The following TOR1B variants were observed in gnomAD, a reference collection of about 807,000 sequenced individuals.
The protein encoded by TOR1B is torsin-1B.
TOR1B carries 14 observed loss-of-function variants against 29.2 expected under a neutral mutation model. That is an observed-to-expected ratio of 0.48 (90% confidence interval 0.32 to 0.75). The LOEUF (loss-of-function observed/expected upper bound fraction) is 0.75, where lower values mean the gene tolerates loss of function less well. TOR1B is among the 30% of genes least tolerant of loss of function. The pLI is 0.04. For missense variants in TOR1B, 400 were observed against 433.9 expected (o/e 0.92, Z 0.69); for synonymous variants, 166 against 179.8 (o/e 0.92, Z 0.62).
chr9:129,807,416 T>G, intron 3 of TOR1B, 53 bp downstream of exon 3: 1 of 1,598,042 alleles, frequency 6.3e-7, no homozygotes, highest in South Asian at 1.1e-5. Context: ...CTCTCAATGA[T>G]AAAATGAGGT....
intron 3 of TOR1B, among the ~76,000 whole-genome samples, chr9:129,807,786 C>T (rs1480740930): frequency 2.0e-5 from 3 of 150,598 alleles, no homozygotes; most frequent in Admixed American, 6.6e-5. Context: ...GCGGAGCTTG[C>T]AGTGAGCCGG....
At position 129,809,551 on chromosome 9, in the gene TOR1B, A is replaced by G. The variant is rs1465694448; in HGVS notation, c.979A>G (p.Lys327Glu). The change falls in exon 5 of 5, where the codon AAG (lysine) becomes GAG (glutamate). Residue 327 changes from lysine (K) to glutamate (E), a missense_variant. By Grantham distance (56) the Lys-to-Glu change is moderately conservative. Coordinates refer to ENST00000259339, the MANE Select transcript of TOR1B (RefSeq NM_014506.3). ...GAAAATCTACTCAGACAAGGGCTGC[A>G]AGACTGTGCAGTCGCGGCTGGATTT... ...DEKIYSDKGC[K>E]TVQSRLDFH The G allele has an allele frequency of 1.2e-6, 2 of 1,614,202 alleles. No homozygotes were observed. The highest frequency in any genetic ancestry group is 1.3e-5 in the African/African-American group (1 of 75,054).
chr9:129,809,069 C>T (rs2030678686), intron 4 of TOR1B, 37 bp downstream of exon 4: 1 of 1,567,054 alleles, frequency 6.4e-7, no homozygotes, highest in Non-Finnish European at 8.6e-7. Flanking sequence ...CTTAACTGTC[C>T]AGCAGTGAGC....
In TOR1B at chr9:129,810,439, A is replaced by G. The variant is rs1317609090; in HGVS notation, c.*856A>G. The G allele has an allele frequency of 2.1e-5, 25 of 1,178,692 alleles. No homozygotes were observed. The highest frequency in any genetic ancestry group is 2.7e-5 in the Non-Finnish European group (25 of 928,492). The allele number at this position is 1,178,692 out of a possible 1,614,324, so 73.0% of individuals were successfully genotyped here. ...TGTCCATCGCTCTAGCTGCTAATAC[A>G]GCCCTGGCTGTGGAATCCTTCACCG... On this transcript the variant is annotated 3_prime_UTR_variant, in exon 5 of 5. Transcript: ENST00000259339.
At chr9:129,803,636 C>G (rs1171255699) in intron 1 of TOR1B, among the ~76,000 whole-genome samples, 1 of 152,228 alleles carries the variant, frequency 6.6e-6, no homozygotes, top group South Asian at 2.1e-4. Flanking sequence ...TGGGGCTGCC[C>G]CAGCGCCTTT....
chr9:129,807,412 A>G (rs1416429895), intron 3 of TOR1B, 49 bp downstream of exon 3: 3 of 1,596,466 alleles, frequency 1.9e-6, no homozygotes, highest in African/African-American at 2.7e-5. Flanking sequence ...CATTCTCTCA[A>G]TGATAAAATG....
Position 129,807,305 on chromosome 9 carries a change from GACTACT to G in TOR1B, c.586_591del (p.Tyr196_Tyr197del), listed in dbSNP as rs779503009. ...CATTGACGCAATCAAGCCGTTTCTAGACTACTACGAGCAGGTTGACGGAGTGTCTTA... is the reference window on the plus strand; with the variant it reads ...CATTGACGCAATCAAGCCGTTTCTAGACGAGCAGGTTGACGGAGTGTCTTA... On this transcript the variant is annotated inframe_deletion, in exon 3 of 5. Transcript: ENST00000259339. The G allele has an allele frequency of 6.2e-7, 1 of 1,614,198 alleles. No individual in the cohort carries two copies. Among genetic ancestry groups the G allele is most frequent in the East Asian group, 2.2e-5 (1 of 44,876 alleles).
At position 129,809,567 on chromosome 9, in the gene TOR1B, G is replaced by T. The variant is rs764370361; in HGVS notation, c.995G>T (p.Arg332Leu). The stretch of plus-strand genomic sequence containing the variant: ...AAGGGCTGCAAGACTGTGCAGTCGC[G>T]GCTGGATTTCCACTGAGCTCCTATC... Reference protein sequence around the residue: ...SDKGCKTVQSRLDFH With the variant: ...SDKGCKTVQSLLDFH The change falls in exon 5 of 5, where the codon CGG becomes CTG. Residue 332 changes from arginine to leucine, a missense_variant. Transcript: ENST00000259339. The T allele has an allele frequency of 6.2e-7, 1 of 1,614,156 alleles. No individual in the cohort carries two copies. The highest frequency in any genetic ancestry group is 1.7e-5 in the Admixed American group (1 of 60,002).
intron 1 of TOR1B, 135 bp from the exon 2 acceptor site, chr9:129,803,938 C>A: frequency 2.6e-6 from 3 of 1,155,882 alleles, no homozygotes; most frequent in East Asian, 2.4e-5. Flanking sequence ...ACTGCCTCGG[C>A]CCTAGGGTGT....
chr9:129,809,350 T>C lies in TOR1B; in HGVS notation c.778T>C (p.Trp260Arg). 6.2e-7 allele frequency: 1 copy of C among 1,614,168 alleles called. No individual in the cohort carries two copies. The highest frequency in any genetic ancestry group is 8.5e-7 in the Non-Finnish European group (1 of 1,180,010). Residue 260 changes from tryptophan to arginine, a missense_variant, in exon 5 of 5, where the codon TGG (tryptophan) becomes CGG (arginine). Coordinates refer to ENST00000259339, the MANE Select transcript of TOR1B (RefSeq NM_014506.3). ...TGTGTCTTGTTCTGCAGGTGGCCTG[T>C]GGCACAGTGGACTGATCGACAAAAA... The part of the protein sequence containing the change: ...GVFNNKHSGL[W>R]HSGLIDKNLI...
At position 129,807,376 on chromosome 9, in the gene TOR1B, C is replaced by CG; in HGVS notation, c.641+15dup. On this transcript the variant is annotated intron_variant, in intron 3 of 4. Transcript: ENST00000259339. ...TCATCTTTCTCAGGTCAGCGGGAGG[C>CG]GGTTTTTTGGGGCACACAAGCCCTT... is the stretch of plus-strand genomic sequence containing the variant. The CG allele has an allele frequency of 6.2e-7, 1 of 1,611,826 alleles. No individual in the cohort carries two copies. Among genetic ancestry groups the CG allele is most frequent in the Non-Finnish European group, 8.5e-7 (1 of 1,178,474 alleles).
Position 129,810,243 on chromosome 9 carries a change from G to A in TOR1B, c.*660G>A, listed in dbSNP as rs1181740106. 3.1e-6 allele frequency: 4 copies of A among 1,303,870 alleles called. No homozygotes were observed. Among genetic ancestry groups the A allele is most frequent in the Non-Finnish European group, 4.0e-6 (4 of 988,920 alleles). The allele number at this position is 1,303,870 out of a possible 1,614,324, so 80.8% of individuals were successfully genotyped here. A position where few individuals can be genotyped will look rare whatever the true frequency, so the allele number is the denominator to read the frequency against. On this transcript the variant is annotated 3_prime_UTR_variant, in exon 5 of 5. Transcript: ENST00000259339. Reference sequence around the variant, plus strand: ...TTTACACAGAGTTCACTGACTTGAAGTATACTCAGTTAAAATCGGGGCTGG... The same window carrying A: ...TTTACACAGAGTTCACTGACTTGAAATATACTCAGTTAAAATCGGGGCTGG...
rs1238306787 is a variant in TOR1B, at chr9:129,810,502, ATC to A, written c.*922_*923del. 2.8e-5 allele frequency: 30 copies of A among 1,055,606 alleles called. No homozygotes were observed. The highest frequency in any genetic ancestry group is 3.1e-5 in the Non-Finnish European group (26 of 838,626). The allele number at this position is 1,055,606 out of a possible 1,614,324, so 65.4% of individuals were successfully genotyped here. On this transcript the variant is annotated 3_prime_UTR_variant, in exon 5 of 5. Coordinates refer to ENST00000259339, the MANE Select transcript of TOR1B (RefSeq NM_014506.3). ...TCAGCCCCAGCCTGCCTTGTGCCAT[ATC>A]TCAGCTTGGATCTCTGCTAGAGTCC...
At chr9:129,807,420 A>G in intron 3 of TOR1B, 57 bp downstream of exon 3, 1 of 1,596,560 alleles carries the variant, frequency 6.3e-7, no homozygotes, top group African/African-American at 1.3e-5. Context: ...CAATGATAAA[A>G]TGAGGTCCTG....
At position 129,809,742 on chromosome 9, in the gene TOR1B, A is replaced by C. The variant is rs1270057744; in HGVS notation, c.*159A>C. The C allele has an allele frequency of 3.5e-6, 5 of 1,432,334 alleles. No homozygotes were observed. Among genetic ancestry groups the C allele is most frequent in the African/African-American group, 1.4e-5 (1 of 69,688 alleles). The allele number at this position is 1,432,334 out of a possible 1,614,324, so 88.7% of individuals were successfully genotyped here. On this transcript the variant is annotated 3_prime_UTR_variant, in exon 5 of 5. Transcript: ENST00000259339. ...TTTTGAGAAGAGGTCTCACTCCGTC[A>C]TCCAAGCTGGAGTGCAGTGGTGCAA...
Position 129,809,715 on chromosome 9 carries a change from T to C in TOR1B, c.*132T>C, listed in dbSNP as rs1423150844. ...CTTAGACTTTTGGGTATAGAATCTT[T>C]TTTTTGAGAAGAGGTCTCACTCCGT... On this transcript the variant is annotated 3_prime_UTR_variant, in exon 5 of 5. Transcript: ENST00000259339. 2 of 1,469,230 alleles carry C rather than the reference T, an allele frequency of 1.4e-6. No homozygotes were observed. Among genetic ancestry groups the C allele is most frequent in the Non-Finnish European group, 1.8e-6 (2 of 1,119,150 alleles). The allele number at this position is 1,469,230 out of a possible 1,614,324, so 91.0% of individuals were successfully genotyped here.
rs2030737280 is a variant in TOR1B, at chr9:129,809,766, A to G, written c.*183A>G. 3 of 1,419,802 alleles carry G rather than the reference A, an allele frequency of 2.1e-6. No homozygotes were observed. Among genetic ancestry groups the G allele is most frequent in the African/African-American group, 1.4e-5 (1 of 69,370 alleles). The allele number at this position is 1,419,802 out of a possible 1,614,324, so 88.0% of individuals were successfully genotyped here. A position where few individuals can be genotyped will look rare whatever the true frequency, so the allele number is the denominator to read the frequency against. On this transcript the variant is annotated 3_prime_UTR_variant, in exon 5 of 5. Coordinates refer to ENST00000259339, the MANE Select transcript of TOR1B (RefSeq NM_014506.3). ...CATCCAAGCTGGAGTGCAGTGGTGCAATCCTCAACTCACTGCAACCTCCGC... is the reference window on the plus strand; with the variant it reads ...CATCCAAGCTGGAGTGCAGTGGTGCGATCCTCAACTCACTGCAACCTCCGC...
At chr9:129,804,909 G>C (rs529602922) in intron 2 of TOR1B, among the ~76,000 whole-genome samples, 6 of 151,450 alleles carry the variant, frequency 4.0e-5, no homozygotes, top group East Asian at 3.9e-4. Context: ...GAGGCCGAGG[G>C]GGGCGGATCA....
chr9:129,804,862 G>A (rs1343565981), intron 2 of TOR1B, among the ~76,000 whole-genome samples: 1 of 141,226 alleles, frequency 7.1e-6, no homozygotes, highest in African/African-American at 2.7e-5. Flanking sequence ...AAAAAGGCCT[G>A]GCACAGTGGC....
Sources: gnomAD v4.1 joint callset for allele counts (sites outside exome capture counted in the v4.1 genomes callset) on GRCh38, gnomAD v4.1.1 for gene constraint, MANE v1.5 for transcripts, NCBI Gene and HGNC (gene_info 2026-07-23, HGNC 2026-07-21) for gene names.